The following DNAJA3 variants were observed in gnomAD, a reference collection of about 807,000 sequenced individuals.
The protein encoded by DNAJA3 is dnaJ homolog subfamily A member 3, mitochondrial.
Under a neutral mutation model 54.9 loss-of-function variants are expected in DNAJA3, and 29 were observed. The ratio of observed to expected loss-of-function variants is 0.53; its 90% CI spans 0.39 to 0.72. The LOEUF (loss-of-function observed/expected upper bound fraction) is 0.72, where lower values mean the gene tolerates loss of function less well. DNAJA3 is among the 30% of genes least tolerant of loss of function. The pLI is 0.00. For synonymous variants in DNAJA3, 302 were observed against 251.4 expected (o/e 1.20, Z -1.90); for missense variants, 708 against 639.4 (o/e 1.11, Z -1.16).
chr16:4,454,774 G>A (rs753295225), intron 10 of DNAJA3, 37 bp from the exon 11 acceptor site: 2 of 1,501,084 alleles, frequency 1.3e-6, no homozygotes, highest in Non-Finnish European at 1.9e-6. Flanking sequence ...GGAAGTGCAG[G>A]CCCATGACGC....
At chr16:4,431,141 G>A (rs932189879) in intron 1 of DNAJA3, 14 of 152,200 alleles carry the variant, frequency 9.2e-5, no homozygotes, top group African/African-American at 2.9e-4. Context: ...ACTAACTCCT[G>A]TCCGTGTTCT....
chr16:4,453,712 G>A (rs1172249907), intron 10 of DNAJA3, among the ~76,000 whole-genome samples: 2 of 152,070 alleles, frequency 1.3e-5, no homozygotes, highest in African/African-American at 2.4e-5. Flanking sequence ...GATTACAGGC[G>A]TGAGCCACTG....
intron 3 of DNAJA3, among the ~76,000 whole-genome samples, chr16:4,439,958 T>C (rs1596364725): frequency 1.3e-5 from 2 of 152,054 alleles, no homozygotes; most frequent in East Asian, 3.9e-4. Context: ...TTTGAGATAG[T>C]GTCTCACTTT....
chr16:4,442,980 T>G, intron 5 of DNAJA3, 37 bp from the exon 6 acceptor site: 1 of 1,603,546 alleles, frequency 6.2e-7, no homozygotes, highest in Non-Finnish European at 8.5e-7. Flanking sequence ...TCAGTTTACC[T>G]GCGTACTTAG....
intron 3 of DNAJA3, chr16:4,441,039 T>C (rs1268918936): frequency 5.7e-6 from 2 of 353,490 alleles, no homozygotes; most frequent in East Asian, 4.9e-5. Context: ...CGAGGTAATG[T>C]CCCCTGAGGA....
chr16:4,430,829 A>G (rs926921716), intron 1 of DNAJA3: 8 of 152,094 alleles, frequency 5.3e-5, no homozygotes, highest in African/African-American at 1.9e-4. Flanking sequence ...GGATCACTTG[A>G]GGTCAGGAGT....
At chr16:4,455,214 G>A (rs1462434768) in intron 11 of DNAJA3, among the ~76,000 whole-genome samples, 1 of 152,174 alleles carries the variant, frequency 6.6e-6, no homozygotes, top group Non-Finnish European at 1.5e-5. Flanking sequence ...CAGCCCCCCT[G>A]CAGTGGTGGG....
chr16:4,448,992 G>A (rs944109694), intron 9 of DNAJA3, 144 bp downstream of exon 9: 20 of 618,146 alleles, frequency 3.2e-5, no homozygotes, highest in Non-Finnish European at 4.9e-5. Context: ...GGACATAGTA[G>A]AATGGTCAAC....
chr16:4,431,012 C>G (rs2056692521), intron 1 of DNAJA3: 1 of 152,228 alleles, frequency 6.6e-6, no homozygotes, highest in African/African-American at 2.4e-5. Flanking sequence ...CCACTGCACT[C>G]CAGCCTGGGT....
intron 2 of DNAJA3, among the ~76,000 whole-genome samples, chr16:4,434,725 C>T (rs2056751444): frequency 6.6e-6 from 1 of 151,946 alleles, no homozygotes; most frequent in Non-Finnish European, 1.5e-5. Flanking sequence ...AGAGGTGAGT[C>T]CAAACCAGAG....
intron 3 of DNAJA3, 131 bp from the exon 4 acceptor site, chr16:4,441,244 C>A: frequency 1.3e-6 from 1 of 799,444 alleles, no homozygotes; most frequent in South Asian, 1.8e-5. Flanking sequence ...CCCACCCCAA[C>A]CTCATAGGAT....
chr16:4,444,626 G>A (rs369168810), intron 6 of DNAJA3, 38 bp from the exon 7 acceptor site: 16 of 1,594,070 alleles, frequency 1.0e-5, no homozygotes, highest in Admixed American at 8.3e-5. Context: ...GAGCCACCGC[G>A]TCCTGCCTAA....
intron 2 of DNAJA3, among the ~76,000 whole-genome samples, chr16:4,435,447 C>T (rs1184818207): frequency 6.6e-6 from 1 of 152,126 alleles, no homozygotes; most frequent in African/African-American, 2.4e-5. Flanking sequence ...TTTTCATTAC[C>T]TCGAAAAGAA....
At chr16:4,434,126 G>T (rs1290247278) in intron 1 of DNAJA3, 2 of 431,494 alleles carry the variant, frequency 4.6e-6, no homozygotes, top group Non-Finnish European at 8.2e-6. Context: ...AAAACTATCA[G>T]ATCTCATGAG....
At chr16:4,432,790 C>T (rs1596360414) in intron 1 of DNAJA3, among the ~76,000 whole-genome samples, 1 of 149,104 alleles carries the variant, frequency 6.7e-6, no homozygotes, top group African/African-American at 2.5e-5. Flanking sequence ...GAGCCAAAAT[C>T]GCACCACTGC....
At chr16:4,429,980 G>T (rs983480806) in intron 1 of DNAJA3, among the ~76,000 whole-genome samples, 1 of 150,770 alleles carries the variant, frequency 6.6e-6, no homozygotes, top group Non-Finnish European at 1.5e-5. Flanking sequence ...CTGGGCAACA[G>T]AGTATGACTC....
chr16:4,450,247 T>A (rs566123095), intron 9 of DNAJA3, 153 bp from the exon 10 acceptor site: 1 of 590,416 alleles, frequency 1.7e-6, no homozygotes, highest in Non-Finnish European at 3.0e-6. Flanking sequence ...GGCATGGTCC[T>A]TAGGTTCTCA....
Position 4,441,535 on chromosome 16 carries a change from C to G in DNAJA3, c.590C>G (p.Ser197Ter). The change falls in exon 4 of 12, where the codon TCA (serine) becomes TGA (stop). Residue 197 changes from serine to a stop codon, truncating the protein, a stop_gained. Transcript: ENST00000262375. LOFTEE classifies it high-confidence loss of function. ...RKIFGEFSSSSFGDFQTVFDQ... is the reference protein window; with the variant it reads ...RKIFGEFSSS ...ATCTTTGGCGAGTTCTCATCCTCTT[C>G]ATTTGGAGATTTCCAGACCGTGTTT... The G allele has an allele frequency of 6.2e-7, 1 of 1,614,140 alleles. No homozygotes were observed. The highest frequency in any genetic ancestry group is 8.5e-7 in the Non-Finnish European group (1 of 1,180,044).
intron 5 of DNAJA3, 180 bp from the exon 6 acceptor site, chr16:4,442,837 C>A: frequency 1.5e-6 from 1 of 650,712 alleles, no homozygotes; most frequent in Non-Finnish European, 2.6e-6. Context: ...TTTGTGTGTT[C>A]TAGAAAATCA....
Sources: allele counts gnomAD v4.1 joint callset (sites outside exome capture counted in the v4.1 genomes callset), GRCh38; gene constraint gnomAD v4.1.1; transcripts MANE v1.5; gene names NCBI Gene and HGNC (gene_info 2026-07-23, HGNC 2026-07-21).